The following MCOLN2 variants were observed in gnomAD, a reference collection of about 807,000 sequenced individuals.
The protein encoded by MCOLN2 is mucolipin TRP cation channel 2.
A neutral mutation model predicts 67.5 loss-of-function variants in MCOLN2; 57 were observed. That is an observed-to-expected ratio of 0.84 (90% CI 0.68 to 1.05). MCOLN2 has a LOEUF of 1.05. MCOLN2 is among the 50% of genes least tolerant of loss of function. MCOLN2 has a pLI of 0.00. For missense variants in MCOLN2, 620 were observed against 678.8 expected (o/e 0.91, Z 0.96); for synonymous variants, 246 against 233.3 (o/e 1.05, Z -0.50).
At chr1:84,940,804 A>G (rs1647730030) in intron 8 of MCOLN2, 75 bp downstream of exon 8, 1 of 892,640 alleles carries the variant, frequency 1.1e-6, no homozygotes, top group South Asian at 1.7e-5. Flanking sequence ...GGTGCACAAT[A>G]TCGGTGGTCC....
rs144612957 is a variant in MCOLN2 at position 84,987,978 on chromosome 1, T to C, written c.77+8818A>G. On this transcript the variant is annotated intron_variant, in intron 1 of 13. Coordinates refer to ENST00000370608, the MANE Select transcript of MCOLN2 (RefSeq NM_153259.4). ...CTGGGTACAGTGTACACTGCTTGGG[T>C]GATGGGTGCACAAAAATTTCAGAAA... Among the ~76,000 whole-genome samples, 1,170 of 152,132 alleles carry C rather than the reference T, an allele frequency of 7.7e-3. 12 individuals carry two copies. Among genetic ancestry groups the C allele is most frequent in the African/African-American group, 0.021 (861 of 41,498 alleles).
chr1:84,928,625 A>G (rs1242180767), intron 13 of MCOLN2, among the ~76,000 whole-genome samples: 4 of 152,208 alleles, frequency 2.6e-5, no homozygotes, highest in African/African-American at 9.7e-5. Context: ...GCTGCCTATT[A>G]AGAAAATTAA....
At chr1:84,993,479 T>C (rs1470944061) in intron 1 of MCOLN2, among the ~76,000 whole-genome samples, 1 of 152,256 alleles carries the variant, frequency 6.6e-6, no homozygotes, top group African/African-American at 2.4e-5. Flanking sequence ...TTTTGACCTA[T>C]TCCCATGAAT....
At chr1:84,928,109 T>C (rs890468231) in intron 13 of MCOLN2, among the ~76,000 whole-genome samples, 5 of 152,190 alleles carry the variant, frequency 3.3e-5, no homozygotes, top group Admixed American at 6.5e-5. Flanking sequence ...GAAATTGCTA[T>C]AGCTGACTTC....
intron 2 of MCOLN2, among the ~76,000 whole-genome samples, chr1:84,964,542 ATG>A (rs1457117387): frequency 6.6e-6 from 1 of 151,336 alleles, no homozygotes; most frequent in Non-Finnish European, 1.5e-5. Flanking sequence ...GGGGTGGGTA[ATG>A]GTTTCAGGAT....
Position 84,972,767 on chromosome 1 carries a change from C to T in MCOLN2, c.78-7059G>A, listed in dbSNP as rs533685876. On this transcript the variant is annotated intron_variant, in intron 1 of 13. Transcript: ENST00000370608. ...ACAATGACTAAGAGTCTAACGGAAGCCTGAAGTTTTGAAACAAAACAAGAT... is the reference window on the plus strand; with the variant it reads ...ACAATGACTAAGAGTCTAACGGAAGTCTGAAGTTTTGAAACAAAACAAGAT... Among the ~76,000 whole-genome samples, 328 of 152,296 alleles carry T rather than the reference C, an allele frequency of 2.2e-3. 1 individual carries two copies. The highest frequency in any genetic ancestry group is 6.8e-3 in the Middle Eastern group (2 of 294).
At position 84,996,429 on chromosome 1, in the gene MCOLN2, T is replaced by TATATATATATA. The variant is rs1651157316; in HGVS notation, c.77+366_77+367insTATATATATAT. Among the ~76,000 whole-genome samples the TATATATATATA allele has an allele frequency of 3.3e-5, 4 of 121,610 alleles. No homozygotes were observed. In the South Asian group the frequency reaches 8.3e-4, roughly 25 times the overall value. The allele number at this position is 121,610 out of a possible 152,430, so 79.8% of individuals were successfully genotyped here. A position where few individuals can be genotyped will look rare whatever the true frequency, so the allele number is the denominator to read the frequency against. On this transcript the variant is annotated intron_variant, in intron 1 of 13. Coordinates refer to ENST00000370608, the MANE Select transcript of MCOLN2 (RefSeq NM_153259.4). ...ATATATATATATATATATATATATA[T>TATATATATATA]ATGTTTGGAGAGCAGGAAACGGGGG...
At position 84,958,633 on chromosome 1, in the gene MCOLN2, G is replaced by A. The variant is rs1215198729; in HGVS notation, c.307C>T (p.His103Tyr). Residue 103 changes from histidine (H) to tyrosine (Y), a missense_variant, in exon 3 of 14, where the codon CAC becomes TAC. Coordinates refer to ENST00000370608, the MANE Select transcript of MCOLN2 (RefSeq NM_153259.4). ...FKEDNTVAFK[H>Y]LFLKGYSGTD... The stretch of plus-strand genomic sequence containing the variant: ...CCAGAATATCCTTTCAAAAACAAGT[G>A]CTTAAAAGCAACAGTGTTATCTTCT... 1 of 1,611,112 alleles carries A rather than the reference G, an allele frequency of 6.2e-7. No individual in the cohort carries two copies. The highest frequency in any genetic ancestry group is 1.1e-5 in the South Asian group (1 of 90,394).
intron 8 of MCOLN2, among the ~76,000 whole-genome samples, chr1:84,940,616 G>C (rs1454063668): frequency 6.6e-6 from 1 of 152,206 alleles, no homozygotes; most frequent in Non-Finnish European, 1.5e-5. Flanking sequence ...TCAAAAGCCT[G>C]AGAGTTCACC....
intron 6 of MCOLN2, among the ~76,000 whole-genome samples, chr1:84,947,393 A>C (rs1340346416): frequency 6.6e-6 from 1 of 152,160 alleles, no homozygotes; most frequent in Non-Finnish European, 1.5e-5. Context: ...TACACTGGAG[A>C]GCACCAGGGT....
rs114745424 is a variant in MCOLN2 at position 84,947,673 on chromosome 1, C to T, written c.748-541G>A. On this transcript the variant is annotated intron_variant, in intron 6 of 13. Coordinates refer to ENST00000370608, the MANE Select transcript of MCOLN2 (RefSeq NM_153259.4). ...GCCGGGAGTTCATACAGCCATGCTGCCCCAGAGTGGAAGCACACATTGCGC... is the reference window on the plus strand; with the variant it reads ...GCCGGGAGTTCATACAGCCATGCTGTCCCAGAGTGGAAGCACACATTGCGC... Among the ~76,000 whole-genome samples the T allele has an allele frequency of 7.8e-3, 1,193 of 152,348 alleles. 13 individuals are homozygous for T. The highest frequency in any genetic ancestry group is 0.027 in the African/African-American group (1,112 of 41,584).
At chr1:84,988,658 T>C (rs770244822) in intron 1 of MCOLN2, among the ~76,000 whole-genome samples, 4 of 152,136 alleles carry the variant, frequency 2.6e-5, no homozygotes, top group Non-Finnish European at 4.4e-5. Context: ...CCAACTGCAA[T>C]AGCCTCCCAA....
chr1:84,970,197 T>G (rs1310119174), intron 1 of MCOLN2, among the ~76,000 whole-genome samples: 1 of 152,080 alleles, frequency 6.6e-6, no homozygotes, highest in Non-Finnish European at 1.5e-5. Flanking sequence ...AAAGAGTATA[T>G]GAAATGGTGT....
chr1:84,926,739 A>G lies in MCOLN2; in HGVS notation c.1665-18T>C, dbSNP rs745741641. 16 of 1,583,062 alleles carry G rather than the reference A, an allele frequency of 1.0e-5. No individual in the cohort carries two copies. The highest frequency in any genetic ancestry group is 6.8e-5 in the Admixed American group (4 of 58,794). ...TTCTTTTCCTGTAACAGAAAGGGAA[A>G]GAAGAAAAGAGGAAAGATACAATAC... On this transcript the variant is annotated intron_variant, in intron 13 of 13. Coordinates refer to ENST00000370608, the MANE Select transcript of MCOLN2 (RefSeq NM_153259.4).
At chr1:84,927,952 C>T (rs991979204) in intron 13 of MCOLN2, among the ~76,000 whole-genome samples, 1 of 152,150 alleles carries the variant, frequency 6.6e-6, no homozygotes, top group African/African-American at 2.4e-5. Flanking sequence ...TCAAGCTATA[C>T]TTAATTTTAG....
intron 2 of MCOLN2, among the ~76,000 whole-genome samples, chr1:84,960,739 A>C (rs557042719): frequency 1.9e-4 from 29 of 152,332 alleles, no homozygotes; most frequent in African/African-American, 6.5e-4. Context: ...TAAACCAGGG[A>C]AGCAACACAT....
intron 1 of MCOLN2, 51 bp from the exon 2 acceptor site, chr1:84,965,759 C>A: frequency 6.4e-7 from 1 of 1,560,244 alleles, no homozygotes; most frequent in Non-Finnish European, 8.7e-7. Flanking sequence ...TCCCTCAGTT[C>A]CTTTTGAAGT....
At chr1:84,975,636 A>G (rs893300101) in intron 1 of MCOLN2, among the ~76,000 whole-genome samples, 12 of 152,324 alleles carry the variant, frequency 7.9e-5, no homozygotes, top group Admixed American at 7.8e-4. Flanking sequence ...ATGAACATCT[A>G]CAAGTATCAA....
intron 9 of MCOLN2, 46 bp downstream of exon 9, chr1:84,939,507 T>C (rs1443607085): frequency 1.3e-6 from 2 of 1,596,358 alleles, no homozygotes; most frequent in African/African-American, 1.3e-5. Context: ...CCTGTGGCCA[T>C]CCAGGAGAAG....
Sources: allele counts gnomAD v4.1 joint callset (sites outside exome capture counted in the v4.1 genomes callset), GRCh38; gene constraint gnomAD v4.1.1; transcripts MANE v1.5; gene names NCBI Gene and HGNC (gene_info 2026-07-23, HGNC 2026-07-21).